Variants in MARCHF1 observed in about 807,000 individuals in gnomAD.
MARCHF1 encodes membrane associated ring-CH-type finger 1, also known as E3 ubiquitin-protein ligase MARCHF1.
Under a neutral mutation model 54.2 loss-of-function variants are expected in MARCHF1, and 40 were observed. The observed-to-expected ratio is 0.74, with a 90% CI of 0.57 to 0.96. MARCHF1 has a LOEUF of 0.96. Ranked by LOEUF, MARCHF1 falls within the 40% of genes least tolerant of loss-of-function variation. MARCHF1 has a pLI of 0.00. For synonymous variants in MARCHF1, 236 were observed against 236.3 expected (o/e 1.00, Z 0.01); for missense variants, 586 against 656.5 (o/e 0.89, Z 1.17).
intron 3 of MARCHF1, among the ~76,000 whole-genome samples, chr4:163,951,847 C>A (rs191788268): frequency 1.4e-4 from 22 of 152,062 alleles, no homozygotes; most frequent in Non-Finnish European, 2.6e-4. Context: ...TATGAAGGTA[C>A]CTTAGAATGA....
At chr4:164,031,088 C>A (rs1753867136) in intron 2 of MARCHF1, among the ~76,000 whole-genome samples, 1 of 152,138 alleles carries the variant, frequency 6.6e-6, no homozygotes, top group Non-Finnish European at 1.5e-5. Context: ...ATTGCCCTGG[C>A]CAGAACTTCC....
chr4:164,034,068 CAGATAGAT>C (rs199977044), intron 2 of MARCHF1, among the ~76,000 whole-genome samples: 21,290 of 109,954 alleles, frequency 0.19, 1,670 homozygotes, highest in Middle Eastern at 0.24. Flanking sequence ...ATGTGATAGA[CAGATAGAT>C]AGATAGATAG....
intron 9 of MARCHF1, among the ~76,000 whole-genome samples, chr4:163,532,932 A>T (rs1738402424): frequency 2.0e-5 from 3 of 151,982 alleles, no homozygotes; most frequent in African/African-American, 7.2e-5. Context: ...GCAAAATGGT[A>T]CAGTCACTTT....
intron 5 of MARCHF1, among the ~76,000 whole-genome samples, chr4:163,631,229 A>G (rs921354949): frequency 1.1e-4 from 16 of 151,768 alleles, no homozygotes; most frequent in Admixed American, 3.9e-4. Context: ...TGGAGTCTCT[A>G]TCTTCTAGAC....
At chr4:164,208,267 T>A (rs1196847339) in intron 1 of MARCHF1, among the ~76,000 whole-genome samples, 3 of 152,194 alleles carry the variant, frequency 2.0e-5, no homozygotes, top group African/African-American at 7.2e-5. Context: ...TTTGAAGGGT[T>A]TGATGGAAGG....
chr4:164,301,943 T>C (rs898072761), intron 1 of MARCHF1, among the ~76,000 whole-genome samples: 5 of 152,058 alleles, frequency 3.3e-5, no homozygotes, highest in Non-Finnish European at 5.9e-5. Context: ...AGAAGACAAA[T>C]GATTGGCTAG....
intron 9 of MARCHF1, among the ~76,000 whole-genome samples, chr4:163,545,334 G>A (rs938942915): frequency 1.3e-5 from 2 of 152,190 alleles, no homozygotes; most frequent in Non-Finnish European, 2.9e-5. Flanking sequence ...CCGAAGTGGT[G>A]TGTGCCATTT....
chr4:163,573,293 C>CTATTATTAT (rs1481195215), intron 8 of MARCHF1, among the ~76,000 whole-genome samples: 115 of 104,518 alleles, frequency 1.1e-3, no homozygotes, highest in Admixed American at 3.6e-3. Flanking sequence ...GATGCTTTTT[C>CTATTATTAT]TCTTATTATT....
chr4:164,226,687 T>C (rs541422199), intron 1 of MARCHF1, among the ~76,000 whole-genome samples: 27 of 152,106 alleles, frequency 1.8e-4, no homozygotes, highest in African/African-American at 4.6e-4. Flanking sequence ...AAAATATATA[T>C]AAAACTTTGT....
At chr4:163,975,806 AAG>A (rs1472960922) in intron 3 of MARCHF1, among the ~76,000 whole-genome samples, 5 of 152,186 alleles carry the variant, frequency 3.3e-5, no homozygotes, top group Non-Finnish European at 7.4e-5. Context: ...CAAAATAGAA[AAG>A]AGTTTATCTC....
intron 5 of MARCHF1, among the ~76,000 whole-genome samples, chr4:163,697,561 A>C (rs1744675183): frequency 6.6e-6 from 1 of 152,176 alleles, no homozygotes; most frequent in Admixed American, 6.5e-5. Flanking sequence ...GATGATGAGA[A>C]AGTCTGATTC....
intron 4 of MARCHF1, among the ~76,000 whole-genome samples, chr4:163,705,468 A>C (rs1246565728): frequency 1.3e-5 from 2 of 152,010 alleles, no homozygotes; most frequent in African/African-American, 4.8e-5. Flanking sequence ...GCAGTGTATC[A>C]CTAAAATTCC....
At chr4:163,788,257 T>C (rs1747675955) in intron 4 of MARCHF1, among the ~76,000 whole-genome samples, 1 of 152,004 alleles carries the variant, frequency 6.6e-6, no homozygotes, top group Non-Finnish European at 1.5e-5. Context: ...CCTGTTTCAG[T>C]TTGAACTAAT....
intron 3 of MARCHF1, among the ~76,000 whole-genome samples, chr4:163,889,515 A>G (rs4615132): frequency 0.19 from 29,432 of 152,144 alleles, 3,373 homozygotes; most frequent in South Asian, 0.32. Context: ...ATCACCATGT[A>G]GTACAGCCAA....
At chr4:164,248,063 G>A (rs991528858) in intron 1 of MARCHF1, among the ~76,000 whole-genome samples, 3 of 151,696 alleles carry the variant, frequency 2.0e-5, no homozygotes, top group Non-Finnish European at 2.9e-5. Flanking sequence ...TTATAAAATT[G>A]AAGTTATTTT....
At position 163,734,187 on chromosome 4, in the gene MARCHF1, C is replaced by T. The variant is rs577209525; in HGVS notation, c.112-33324G>A. Reference sequence around the variant, plus strand: ...AAGACTTGACCATTACAAGTGTTGGCAAGATAGGGAGAAATAGAAATCCTC... The same window carrying T: ...AAGACTTGACCATTACAAGTGTTGGTAAGATAGGGAGAAATAGAAATCCTC... On this transcript the variant is annotated intron_variant, in intron 4 of 9. Transcript: ENST00000514618. Among the ~76,000 whole-genome samples, 42 of 152,184 alleles carry T rather than the reference C, an allele frequency of 2.8e-4. 1 individual carries two copies. In the South Asian group the frequency reaches 8.3e-3, roughly 30 times the overall value.
intron 4 of MARCHF1, among the ~76,000 whole-genome samples, chr4:163,797,337 GTGTGTGTGTGTGTTTA>G (rs1747946399): frequency 2.9e-5 from 2 of 68,590 alleles, no homozygotes; most frequent in African/African-American, 7.8e-5. Flanking sequence ...GTGTGTATGT[GTGTGTGTGTGTGTTTA>G]TGTGTGTGTG....
chr4:164,293,827 G>C (rs980083064), intron 1 of MARCHF1, among the ~76,000 whole-genome samples: 3 of 152,134 alleles, frequency 2.0e-5, no homozygotes, highest in Admixed American at 6.6e-5. Context: ...TACAAATTGT[G>C]GTAGTTAATA....
intron 9 of MARCHF1, among the ~76,000 whole-genome samples, chr4:163,529,428 T>TA (rs527632289): frequency 6.6e-6 from 1 of 152,026 alleles, no homozygotes; most frequent in Non-Finnish European, 1.5e-5. Flanking sequence ...AATCAGAGTT[T>TA]AAAATCCTTC....
Sources: allele counts gnomAD v4.1 joint callset (sites outside exome capture counted in the v4.1 genomes callset), GRCh38; gene constraint gnomAD v4.1.1; transcripts MANE v1.5; gene names NCBI Gene and HGNC (gene_info 2026-07-23, HGNC 2026-07-21).